Variants in CNBD1 observed in about 807,000 individuals in gnomAD.
CNBD1 encodes cyclic nucleotide-binding domain-containing protein 1.
Under a neutral mutation model 54.4 loss-of-function variants are expected in CNBD1, and 71 were observed. The observed-to-expected ratio is 1.30, with a 90% CI of 1.08 to 1.59. CNBD1 has a LOEUF of 1.59. CNBD1 is among the 40% of genes most tolerant of loss of function. The pLI is 0.00. For synonymous variants in CNBD1, 182 were observed against 170.7 expected (o/e 1.07, Z -0.51); for missense variants, 659 against 518.0 (o/e 1.27, Z -2.64).
chr8:87,406,671 G>T (rs1807659089), intron 2 of CNBD1, among the ~76,000 whole-genome samples: 1 of 151,850 alleles, frequency 6.6e-6, no homozygotes. Context: ...GTAGAGATGG[G>T]GTTTCACCAT....
Position 87,126,655 on chromosome 8 carries a change from A to C in CNBD1, c.432-79338A>C, listed in dbSNP as rs562025320. Among the ~76,000 whole-genome samples, 12 of 152,094 alleles carry C rather than the reference A, an allele frequency of 7.9e-5. 1 individual carries two copies. In the South Asian group the frequency reaches 1.4e-3, roughly 18 times the overall value. On this transcript the variant is annotated intron_variant, in intron 4 of 10. Coordinates refer to ENST00000518476, the MANE Select transcript of CNBD1 (RefSeq NM_173538.3). The stretch of plus-strand genomic sequence containing the variant: ...GAGTAGAAGTTTTAAATTTTGATGA[A>C]GTTTAACAGTTTTTTTTATGGATTG...
At chr8:87,024,396 G>A (rs1809580287) in intron 4 of CNBD1, among the ~76,000 whole-genome samples, 1 of 151,146 alleles carries the variant, frequency 6.6e-6, no homozygotes, top group Non-Finnish European at 1.5e-5. Context: ...CTGGAGTGCA[G>A]TGGCATGATC....
chr8:87,309,907 A>G (rs1809229653), intron 8 of CNBD1, among the ~76,000 whole-genome samples: 1 of 152,186 alleles, frequency 6.6e-6, no homozygotes, highest in East Asian at 1.9e-4. Context: ...GTTTCTCTTC[A>G]TGGATGAAAT....
intron 4 of CNBD1, among the ~76,000 whole-genome samples, chr8:87,194,865 T>C (rs1229733559): frequency 6.6e-6 from 1 of 152,068 alleles, no homozygotes; most frequent in Non-Finnish European, 1.5e-5. Flanking sequence ...GTGTCTTTTT[T>C]TGTTGTTTTT....
chr8:86,886,671 A>C (rs1248709665), intron 1 of CNBD1, among the ~76,000 whole-genome samples: 1 of 152,224 alleles, frequency 6.6e-6, no homozygotes, highest in South Asian at 2.1e-4. Context: ...TCAAATTCCA[A>C]TTCTTCATAA....
chr8:87,077,440 T>C (rs563860702), intron 4 of CNBD1, among the ~76,000 whole-genome samples: 74 of 150,852 alleles, frequency 4.9e-4, no homozygotes, highest in Non-Finnish European at 8.1e-4. Flanking sequence ...TATTATACTT[T>C]AAGTTCAATG....
chr8:87,327,063 G>C (rs1337950096), intron 8 of CNBD1, among the ~76,000 whole-genome samples: 3 of 147,258 alleles, frequency 2.0e-5, no homozygotes, highest in African/African-American at 5.2e-5. Flanking sequence ...ATACCCTGCC[G>C]TGTGAGGTGT....
rs1809626745 is a variant in CNBD1 at position 87,324,567 on chromosome 8, C to G, written c.1043-27118C>G. On this transcript the variant is annotated intron_variant, in intron 8 of 10. Transcript: ENST00000518476. ...GTGTCAAGGAATGTATCCATTTCTTCTAGATTTTCTAGTTTATTTGCGTAG... is the reference window on the plus strand; with the variant it reads ...GTGTCAAGGAATGTATCCATTTCTTGTAGATTTTCTAGTTTATTTGCGTAG... Among the ~76,000 whole-genome samples, 3 of 145,186 alleles carry G rather than the reference C, an allele frequency of 2.1e-5. No individual in the cohort carries two copies. In the East Asian group the frequency reaches 5.8e-4, roughly 28 times the overall value.
chr8:86,866,455 C>T lies in CNBD1; in HGVS notation c.-41C>T. The T allele has an allele frequency of 6.8e-7, 1 of 1,477,958 alleles. No homozygotes were observed. Among genetic ancestry groups the T allele is most frequent in the South Asian group, 1.2e-5 (1 of 84,454 alleles). 91.6% of individuals were successfully genotyped at this position (1,477,958 alleles called of 1,614,324 possible). A position where few individuals can be genotyped will look rare whatever the true frequency, so the allele number is the denominator to read the frequency against. ...AGGCAAAGAGTGATCATTTGCCTCT[C>T]AAGCAGCCTCTGGTCATCTATCTGC... is the stretch of plus-strand genomic sequence containing the variant. On this transcript the variant is annotated 5_prime_UTR_variant, in exon 1 of 11. Transcript: ENST00000518476.
intron 10 of CNBD1, among the ~76,000 whole-genome samples, chr8:87,379,343 A>G (rs1406073984): frequency 6.6e-6 from 1 of 151,896 alleles, no homozygotes; most frequent in Non-Finnish European, 1.5e-5. Context: ...GTCAACAAGG[A>G]TACCCAGGAA....
rs186759632 is a variant in CNBD1, at chr8:87,355,799, G to A, written c.1303+2013G>A. Reference sequence around the variant, plus strand: ...TGTTTTATGTCTCTGACATGATTTGGATGTTTGTCCTTTCCAAATTTCATG... The same window carrying A: ...TGTTTTATGTCTCTGACATGATTTGAATGTTTGTCCTTTCCAAATTTCATG... On this transcript the variant is annotated intron_variant, in intron 10 of 10. Coordinates refer to ENST00000518476, the MANE Select transcript of CNBD1 (RefSeq NM_173538.3). 2.0e-3 allele frequency among the ~76,000 whole-genome samples: 311 copies of A among 152,144 alleles called. 2 individuals are homozygous for A. Among genetic ancestry groups the A allele is most frequent in the Non-Finnish European group, 2.0e-3 (138 of 67,996 alleles).
At chr8:86,901,567 T>C (rs1297907156) in intron 2 of CNBD1, among the ~76,000 whole-genome samples, 4 of 152,194 alleles carry the variant, frequency 2.6e-5, no homozygotes, top group African/African-American at 9.6e-5. Flanking sequence ...TAAATCTCAG[T>C]AGCTTTGCAC....
At position 87,182,815 on chromosome 8, in the gene CNBD1, T is replaced by C. The variant is rs1228907344; in HGVS notation, c.432-23178T>C. Among the ~76,000 whole-genome samples the C allele has an allele frequency of 1.3e-5, 2 of 152,218 alleles. No homozygotes were observed. Among genetic ancestry groups the C allele is most frequent in the East Asian group, 3.8e-4 (2 of 5,196 alleles). On this transcript the variant is annotated intron_variant, in intron 4 of 10. Coordinates refer to ENST00000518476, the MANE Select transcript of CNBD1 (RefSeq NM_173538.3). This position sits in a 1 kb window ranked among gnomAD's most constrained non-coding sequence, Gnocchi z 4.1. ...TTAGAACTTTGTCTGAAGCATAGTT[T>C]GCAAGTATTTTCTCCCATTTAGTAG...
At chr8:86,977,426 C>A (rs1808367215) in intron 4 of CNBD1, among the ~76,000 whole-genome samples, 1 of 151,950 alleles carries the variant, frequency 6.6e-6, no homozygotes, top group African/African-American at 2.4e-5. Flanking sequence ...TGGAAGATTT[C>A]CAGTGATCTA....
At chr8:86,901,985 A>G (rs973703486) in intron 2 of CNBD1, among the ~76,000 whole-genome samples, 3 of 152,200 alleles carry the variant, frequency 2.0e-5, no homozygotes, top group Admixed American at 6.5e-5. Flanking sequence ...TTAGAGCAAG[A>G]CAATTGGAAT....
chr8:87,269,567 C>T (rs1335056503), intron 6 of CNBD1, among the ~76,000 whole-genome samples: 2 of 151,988 alleles, frequency 1.3e-5, no homozygotes, highest in East Asian at 3.9e-4. Flanking sequence ...AATATTTTTC[C>T]ATTTGTTTGT....
rs868723276 is a variant in CNBD1 at position 87,322,441 on chromosome 8, T to A, written c.1043-29244T>A. 7.2e-3 allele frequency among the ~76,000 whole-genome samples: 877 copies of A among 121,310 alleles called. 178 individuals are homozygous for A. Among genetic ancestry groups the A allele is most frequent in the African/African-American group, 0.026 (825 of 32,260 alleles). The allele number at this position is 121,310 out of a possible 152,430, so 79.6% of individuals were successfully genotyped here. On this transcript the variant is annotated intron_variant, in intron 8 of 10. Transcript: ENST00000518476. ...ACCAACAGTGTAAAAGTGTTCCTAT[T>A]TCTCCACATCCTCTCTAACACCTGT...
chr8:87,037,696 T>G (rs746536998), intron 4 of CNBD1, among the ~76,000 whole-genome samples: 46 of 152,132 alleles, frequency 3.0e-4, no homozygotes, highest in Non-Finnish European at 5.7e-4. Context: ...AATATTTTGG[T>G]TTTTTTGGGC....
chr8:87,055,769 A>G (rs1276780994), intron 4 of CNBD1, among the ~76,000 whole-genome samples: 1 of 135,582 alleles, frequency 7.4e-6, no homozygotes, highest in East Asian at 2.2e-4. Flanking sequence ...CTTCTACCCC[A>G]CCTTTCTCTT....
Sources: gnomAD v4.1 joint callset for allele counts (sites outside exome capture counted in the v4.1 genomes callset) on GRCh38, gnomAD v4.1.1 for gene constraint, Gnocchi (gnomAD v3.1) non-coding constraint, MANE v1.5 for transcripts, NCBI Gene and HGNC (gene_info 2026-07-23, HGNC 2026-07-21) for gene names.